The following ANO4 variants were observed in gnomAD, a reference collection of about 807,000 sequenced individuals.
ANO4 encodes anoctamin-4.
Under a neutral mutation model 141.9 loss-of-function variants are expected in ANO4, and 69 were observed. The ratio of observed to expected loss-of-function variants is 0.49; its 90% CI spans 0.40 to 0.59. The LOEUF (loss-of-function observed/expected upper bound fraction) is 0.59, where lower values mean the gene tolerates loss of function less well. ANO4 is among the 20% of genes least tolerant of loss of function. The pLI is 0.00. For missense variants in ANO4, 894 were observed against 1,162.2 expected, an observed-to-expected ratio of 0.77 and a Z score of 3.36; for synonymous variants, 350 against 394.3, an observed-to-expected ratio of 0.89 and a Z score of 1.33.
chr12:100,771,274 C>T (rs1161840871), intron 3 of ANO4, among the ~76,000 whole-genome samples: 3 of 152,064 alleles, frequency 2.0e-5, no homozygotes, highest in Admixed American at 2.0e-4. Context: ...AAAGCTAGAC[C>T]ATGGAAATGA....
intron 22 of ANO4, among the ~76,000 whole-genome samples, chr12:101,100,081 C>T (rs1027726205): frequency 6.6e-6 from 1 of 152,084 alleles, no homozygotes; most frequent in South Asian, 2.1e-4. Flanking sequence ...ATAAGAGGAA[C>T]CATTTCATAA....
chr12:100,817,029 A>G lies in ANO4; in HGVS notation c.-141+22002A>G, dbSNP rs78020409. On this transcript the variant is annotated intron_variant, in intron 1 of 27. Transcript: ENST00000392977. ...TTATCTTGTGGGGAATGACTTAGGA[A>G]CAGTTTTCTTGAATGTAGAGATTTG... 5.8e-4 allele frequency among the ~76,000 whole-genome samples: 88 copies of G among 151,976 alleles called. 1 individual carries two copies. The East Asian group carries it at 0.012, about 20-fold the overall frequency.
chr12:100,829,370 A>G (rs1449553749), intron 1 of ANO4, among the ~76,000 whole-genome samples: 2 of 152,088 alleles, frequency 1.3e-5, no homozygotes, highest in Non-Finnish European at 1.5e-5. Flanking sequence ...GTATATACAT[A>G]TTTAATAACC....
intron 25 of ANO4, among the ~76,000 whole-genome samples, chr12:101,117,518 T>C (rs1048035413): frequency 1.3e-5 from 2 of 152,216 alleles, no homozygotes; most frequent in African/African-American, 4.8e-5. Context: ...GCACAGTTCT[T>C]GAAGAGTCCA....
intron 1 of ANO4, among the ~76,000 whole-genome samples, chr12:100,895,001 A>G (rs989469531): frequency 4.6e-5 from 7 of 151,614 alleles, no homozygotes; most frequent in African/African-American, 1.5e-4. Context: ...AAGCTCCAGA[A>G]AGTTTGGAAA....
chr12:101,015,468 C>T (rs2046280153), intron 8 of ANO4, among the ~76,000 whole-genome samples: 2 of 152,084 alleles, frequency 1.3e-5, no homozygotes, highest in African/African-American at 4.8e-5. Flanking sequence ...CAGAATATTC[C>T]ACTGTAGAGT....
intron 1 of ANO4, among the ~76,000 whole-genome samples, chr12:100,851,991 G>T (rs1296257844): frequency 6.6e-6 from 1 of 152,146 alleles, no homozygotes; most frequent in African/African-American, 2.4e-5. Flanking sequence ...GGGGGCAGGA[G>T]CATTCTAGCC....
chr12:100,755,675 A>G (rs1484398134), intron 3 of ANO4, among the ~76,000 whole-genome samples: 2 of 152,152 alleles, frequency 1.3e-5, no homozygotes, highest in African/African-American at 4.8e-5. Flanking sequence ...TCTAATTACC[A>G]TTAATTGTCT....
chr12:101,118,118 A>G (rs2050928958), intron 25 of ANO4, among the ~76,000 whole-genome samples: 6 of 152,164 alleles, frequency 3.9e-5, no homozygotes, highest in Non-Finnish European at 8.8e-5. Context: ...TAGATTTCCC[A>G]CTTGCTTGTC....
intron 2 of ANO4, among the ~76,000 whole-genome samples, chr12:100,919,986 A>C (rs1224141427): frequency 6.6e-6 from 1 of 152,058 alleles, no homozygotes; most frequent in African/African-American, 2.4e-5. Context: ...TTTGTTATTA[A>C]AAATTCTAGT....
At chr12:101,124,440 T>G (rs1465996735) in intron 26 of ANO4, among the ~76,000 whole-genome samples, 1 of 152,154 alleles carries the variant, frequency 6.6e-6, no homozygotes, top group Non-Finnish European at 1.5e-5. Flanking sequence ...CTGATGATAG[T>G]TTTTTTGTGC....
chr12:101,033,244 A>C (rs1197470717), intron 9 of ANO4, among the ~76,000 whole-genome samples: 1 of 149,022 alleles, frequency 6.7e-6, no homozygotes, highest in African/African-American at 2.5e-5. Flanking sequence ...GCATATTCTC[A>C]CTCATAGGTG....
intron 14 of ANO4, among the ~76,000 whole-genome samples, chr12:101,063,148 G>A (rs528539263): frequency 2.0e-5 from 3 of 152,260 alleles, no homozygotes; most frequent in Admixed American, 6.5e-5. Context: ...GGAGTTCCCC[G>A]ACCCCTTGTG....
chr12:101,047,371 C>T (rs1158310831), intron 13 of ANO4, among the ~76,000 whole-genome samples: 2 of 152,202 alleles, frequency 1.3e-5, no homozygotes, highest in Non-Finnish European at 2.9e-5. Context: ...AACATTCCCT[C>T]TGGCATATGA....
chr12:100,938,048 G>T (rs1399727398), intron 3 of ANO4, among the ~76,000 whole-genome samples: 1 of 152,200 alleles, frequency 6.6e-6, no homozygotes, highest in Non-Finnish European at 1.5e-5. Flanking sequence ...CTTTGGGGGG[G>T]TCATAATTCA....
chr12:100,990,831 TC>T (rs1291491996), intron 8 of ANO4, among the ~76,000 whole-genome samples: 2 of 152,108 alleles, frequency 1.3e-5, no homozygotes, highest in East Asian at 3.9e-4. Flanking sequence ...GCGAAAGGCA[TC>T]CCAAGAGGAG....
At chr12:100,925,765 G>GTT (rs1219863320) in intron 3 of ANO4, among the ~76,000 whole-genome samples, 2 of 146,480 alleles carry the variant, frequency 1.4e-5, no homozygotes, top group African/African-American at 2.5e-5. Context: ...TTTATATATA[G>GTT]TATATATATA....
intron 1 of ANO4, among the ~76,000 whole-genome samples, chr12:100,873,814 A>G (rs2039153097): frequency 6.6e-6 from 1 of 152,232 alleles, no homozygotes; most frequent in Admixed American, 6.5e-5. Context: ...TTAATAGCCA[A>G]GACAATGGGG....
At chr12:100,838,132 C>T (rs1458624264) in intron 1 of ANO4, among the ~76,000 whole-genome samples, 3 of 145,234 alleles carry the variant, frequency 2.1e-5, no homozygotes, top group Non-Finnish European at 3.0e-5. Flanking sequence ...GGTGAAGGTG[C>T]GAAGATACAG....
Sources: gnomAD v4.1 joint callset for allele counts (sites outside exome capture counted in the v4.1 genomes callset) on GRCh38, gnomAD v4.1.1 for gene constraint, MANE v1.5 for transcripts, NCBI Gene and HGNC (gene_info 2026-07-23, HGNC 2026-07-21) for gene names.